The following UBE2D2 variants were observed in gnomAD, a reference collection of about 807,000 sequenced individuals.
The protein encoded by UBE2D2 is ubiquitin-conjugating enzyme E2 D2.
A neutral mutation model predicts 24.2 loss-of-function variants in UBE2D2; 2 were observed. The observed-to-expected ratio is 0.08, with a 90% CI of 0.03 to 0.26. UBE2D2 has a LOEUF of 0.26. Among genes scored for constraint, UBE2D2 ranks in the 10% least tolerant of loss-of-function variants. The probability of loss-of-function intolerance (pLI) is 1.00; values close to 1 mark genes in which losing one functional copy is unlikely to be tolerated. For synonymous variants in UBE2D2, 58 were observed against 56.5 expected (o/e 1.03, Z -0.12); for missense variants, 44 against 177.6 (o/e 0.25, Z 4.28).
intron 1 of UBE2D2, among the ~76,000 whole-genome samples, chr5:139,586,890 A>C (rs1753736815): frequency 6.6e-6 from 1 of 152,262 alleles, no homozygotes; most frequent in African/African-American, 2.4e-5. Context: ...GCATAAATAC[A>C]ATATAGTGCC....
intron 1 of UBE2D2, among the ~76,000 whole-genome samples, chr5:139,578,861 T>C (rs1753538472): frequency 6.6e-6 from 1 of 152,230 alleles, no homozygotes; most frequent in African/African-American, 2.4e-5. Flanking sequence ...AATTGAAAGA[T>C]GTACCATTAT....
At chr5:139,568,813 A>G (rs1753295048) in intron 1 of UBE2D2, among the ~76,000 whole-genome samples, 1 of 152,140 alleles carries the variant, frequency 6.6e-6, no homozygotes, top group Non-Finnish European at 1.5e-5. Flanking sequence ...TCTACTAAAA[A>G]TATAAAAATT....
At chr5:139,597,135 A>G (rs1164166199) in intron 1 of UBE2D2, among the ~76,000 whole-genome samples, 3 of 152,090 alleles carry the variant, frequency 2.0e-5, no homozygotes, top group African/African-American at 7.2e-5. Flanking sequence ...TTTGACAAAT[A>G]TAGTTGTCCA....
chr5:139,570,128 A>G (rs1753319247), intron 1 of UBE2D2, among the ~76,000 whole-genome samples: 1 of 152,142 alleles, frequency 6.6e-6, no homozygotes, highest in East Asian at 1.9e-4. Flanking sequence ...TTAGCTGGGC[A>G]TGGTGATGTG....
At chr5:139,623,104 G>A (rs570676474) in intron 5 of UBE2D2, among the ~76,000 whole-genome samples, 3 of 151,706 alleles carry the variant, frequency 2.0e-5, no homozygotes, top group East Asian at 1.9e-4. Context: ...TTGGGAGGCC[G>A]AGGTGGGTGG....
intron 1 of UBE2D2, among the ~76,000 whole-genome samples, chr5:139,544,982 T>C (rs966283746): frequency 6.6e-6 from 1 of 151,976 alleles, no homozygotes; most frequent in Non-Finnish European, 1.5e-5. Context: ...GGTTTCACCA[T>C]GGTGGCCAGG....
rs754387867 is a variant in UBE2D2, at chr5:139,626,899, C to T, written c.*98C>T. 3.8e-5 allele frequency: 37 copies of T among 973,476 alleles called. No homozygotes were observed. Among genetic ancestry groups the T allele is most frequent in the Non-Finnish European group, 5.1e-5 (32 of 629,166 alleles). 60.3% of individuals were successfully genotyped at this position (973,476 alleles called of 1,614,324 possible). A position where few individuals can be genotyped will look rare whatever the true frequency, so the allele number is the denominator to read the frequency against. ...CATTTGACTGCTTTCTATGAGCCCA[C>T]GCCTCATCTTCCCCTGTGCACATGT... On this transcript the variant is annotated 3_prime_UTR_variant, in exon 7 of 7. Transcript: ENST00000398733.
chr5:139,602,472 T>G (rs907736759), intron 2 of UBE2D2, among the ~76,000 whole-genome samples: 4 of 151,878 alleles, frequency 2.6e-5, no homozygotes, highest in Non-Finnish European at 4.4e-5. Context: ...AGCCCAGGAG[T>G]GCGAGACCAG....
intron 1 of UBE2D2, among the ~76,000 whole-genome samples, chr5:139,528,000 G>C (rs1456299177): frequency 3.3e-5 from 5 of 152,232 alleles, no homozygotes; most frequent in Admixed American, 3.3e-4. Context: ...GGATTCTACA[G>C]CCTGGAGTAA....
intron 1 of UBE2D2, among the ~76,000 whole-genome samples, chr5:139,590,782 CT>C (rs57962602): frequency 0.031 from 1,194 of 38,346 alleles, 22 homozygotes; most frequent in African/African-American, 0.094. Context: ...TTCTCTTCTT[CT>C]TTTTTTTTTT....
In UBE2D2 at chr5:139,582,307, G is replaced by T. The variant is rs186823040; in HGVS notation, c.25-18065G>T. Among the ~76,000 whole-genome samples, 39 of 151,322 alleles carry T rather than the reference G, an allele frequency of 2.6e-4. 1 individual carries two copies. The highest frequency in any genetic ancestry group is 9.0e-4 in the African/African-American group (37 of 41,196). On this transcript the variant is annotated intron_variant, in intron 1 of 6. Transcript: ENST00000398733. ...AGATGGAGTTTTGCTCTGTTGCCCA[G>T]GCCGGAGTGCAGTGGTATGATCTTA...
intron 1 of UBE2D2, chr5:139,562,242 A>G (rs1203478079): frequency 1.5e-6 from 2 of 1,364,842 alleles, no homozygotes; most frequent in Admixed American, 3.8e-5. Flanking sequence ...CACCTGCCCT[A>G]GCTCCCTCCA....
rs187453207 is a variant in UBE2D2, at chr5:139,563,485, A to T, written c.24+1670A>T. 1.2e-4 allele frequency among the ~76,000 whole-genome samples: 19 copies of T among 152,314 alleles called. No individual in the cohort carries two copies. The East Asian group carries it at 2.9e-3, about 23-fold the overall frequency. On this transcript the variant is annotated intron_variant, in intron 1 of 6. Transcript: ENST00000398733. ...CACTGAGGAGTAGTCATCCAAAAAA[A>T]ATATATACATATGTATTTTAAAGGC...
At chr5:139,584,349 A>G (rs1753669834) in intron 1 of UBE2D2, among the ~76,000 whole-genome samples, 1 of 152,078 alleles carries the variant, frequency 6.6e-6, no homozygotes, top group African/African-American at 2.4e-5. Flanking sequence ...GTGTAAGTAC[A>G]CTTTGATGTT....
At chr5:139,537,700 C>T (rs1041048359) in intron 1 of UBE2D2, among the ~76,000 whole-genome samples, 4 of 151,762 alleles carry the variant, frequency 2.6e-5, no homozygotes, top group Admixed American at 1.3e-4. Context: ...CGTGGTAGCT[C>T]ACGCCTGTAA....
At chr5:139,551,775 C>T (rs1271746336) in intron 1 of UBE2D2, among the ~76,000 whole-genome samples, 1 of 152,186 alleles carries the variant, frequency 6.6e-6, no homozygotes. Flanking sequence ...AGGCATGTGC[C>T]TAATCTGGGG....
At chr5:139,596,485 G>T (rs1227567113) in intron 1 of UBE2D2, among the ~76,000 whole-genome samples, 2 of 151,446 alleles carry the variant, frequency 1.3e-5, no homozygotes, top group Non-Finnish European at 2.9e-5. Context: ...TTAGAGATGG[G>T]GTTTCACCAT....
intron 1 of UBE2D2, among the ~76,000 whole-genome samples, chr5:139,543,907 C>T (rs1752788954): frequency 6.6e-6 from 1 of 152,032 alleles, no homozygotes; most frequent in Non-Finnish European, 1.5e-5. Flanking sequence ...TTTTCTTTTC[C>T]CACAGAGAGC....
chr5:139,578,960 G>GTTTA (rs759110727), intron 1 of UBE2D2, among the ~76,000 whole-genome samples: 32 of 152,060 alleles, frequency 2.1e-4, no homozygotes, highest in African/African-American at 2.9e-4. Flanking sequence ...TTTTATTTTT[G>GTTTA]TTTATTTATT....
Sources: gnomAD v4.1 joint callset for allele counts (sites outside exome capture counted in the v4.1 genomes callset) on GRCh38, gnomAD v4.1.1 for gene constraint, MANE v1.5 for transcripts, NCBI Gene and HGNC (gene_info 2026-07-23, HGNC 2026-07-21) for gene names.